The following KAZN variants were observed in gnomAD, a reference collection of about 807,000 sequenced individuals.
KAZN encodes the protein kazrin, periplakin interacting protein.
In KAZN, 40 loss-of-function variants were observed where a neutral mutation model predicts 87.4. The ratio of observed to expected loss-of-function variants is 0.46; its 90% CI spans 0.36 to 0.60. The LOEUF (loss-of-function observed/expected upper bound fraction) is 0.60. KAZN is among the 20% of genes least tolerant of loss of function. The pLI, the probability that KAZN is intolerant of heterozygous loss-of-function variation, is 0.00. For missense variants in KAZN, 898 were observed against 1,073.9 expected, an observed-to-expected ratio of 0.84 and a Z score of 2.29; for synonymous variants, 466 against 458.3, an observed-to-expected ratio of 1.02 and a Z score of -0.22.
At chr1:14,653,184 A>G (rs1638563078) in intron 1 of KAZN, among the ~76,000 whole-genome samples, 1 of 152,236 alleles carries the variant, frequency 6.6e-6, no homozygotes. Flanking sequence ...CTGTGAAAAA[A>G]TTCTTCTCTG....
Position 14,411,355 on chromosome 1 carries a change from C to T in KAZN, c.250-187628C>T, listed in dbSNP as rs373994328. 5.3e-5 allele frequency among the ~76,000 whole-genome samples: 8 copies of T among 152,150 alleles called. No individual in the cohort carries two copies. In the East Asian group the frequency reaches 7.7e-4, roughly 15 times the overall value. On this transcript the variant is annotated intron_variant, in intron 2 of 16. Transcript: ENST00000636203. ...TGTCACCCAGGCTGGAGTGCAGTGG[C>T]GTGATCACAGCTCAGTGTAACCTCC...
intron 2 of KAZN, chr1:14,304,558 C>T (rs1654785145): frequency 2.5e-6 from 1 of 398,218 alleles, no homozygotes; most frequent in Non-Finnish European, 4.4e-6. Flanking sequence ...TATTTCTTGG[C>T]CTTATGTCAA....
intron 2 of KAZN, among the ~76,000 whole-genome samples, chr1:14,356,272 G>T (rs1659020748): frequency 6.6e-6 from 1 of 151,946 alleles, no homozygotes; most frequent in African/African-American, 2.4e-5. Flanking sequence ...TTTTTGATGG[G>T]GTTGTTTTTC....
chr1:13,968,669 A>G (rs1400542568), intron 1 of KAZN, among the ~76,000 whole-genome samples: 1 of 152,232 alleles, frequency 6.6e-6, no homozygotes. Flanking sequence ...ACCTTTCAGC[A>G]GCATCAGACC....
At chr1:13,996,082 C>CAGTGTGGT (rs74314880) in intron 1 of KAZN, among the ~76,000 whole-genome samples, 22,081 of 151,426 alleles carry the variant, frequency 0.15, 1,712 homozygotes, top group Middle Eastern at 0.22. Context: ...GAAGGAAGAG[C>CAGTGTGGT]GTGGCAGCCC....
intron 1 of KAZN, among the ~76,000 whole-genome samples, chr1:14,153,055 TAC>T (rs1645512018): frequency 1.3e-5 from 2 of 152,212 alleles, no homozygotes; most frequent in South Asian, 4.1e-4. Context: ...ATATTTTTCC[TAC>T]AGAGTTGTTT....
chr1:14,550,738 T>TCTCC (rs1329797253), intron 2 of KAZN, among the ~76,000 whole-genome samples: 6 of 37,976 alleles, frequency 1.6e-4, no homozygotes, highest in African/African-American at 5.9e-4. Flanking sequence ...TCTCTCTCTC[T>TCTCC]CCCCCACCCC....
intron 2 of KAZN, among the ~76,000 whole-genome samples, chr1:15,013,207 C>T (rs963542395): frequency 2.0e-5 from 3 of 152,204 alleles, no homozygotes; most frequent in African/African-American, 7.2e-5. Context: ...ACTTTCAGTG[C>T]TTCCGCAAAT....
chr1:14,586,759 C>G (rs1379123997), intron 2 of KAZN, among the ~76,000 whole-genome samples: 2 of 152,038 alleles, frequency 1.3e-5, no homozygotes, highest in African/African-American at 2.4e-5. Flanking sequence ...AGGCTGATCT[C>G]AAACTCTCGG....
At chr1:14,539,862 T>C (rs1049144103) in intron 2 of KAZN, among the ~76,000 whole-genome samples, 3 of 152,198 alleles carry the variant, frequency 2.0e-5, no homozygotes, top group African/African-American at 7.2e-5. Flanking sequence ...TAGCTTCATT[T>C]TTCAAGGGAA....
intron 1 of KAZN, among the ~76,000 whole-genome samples, chr1:14,822,536 G>A (rs533110249): frequency 9.9e-4 from 151 of 152,262 alleles, no homozygotes; most frequent in African/African-American, 2.6e-3. Flanking sequence ...CTGGGGAGCC[G>A]CCCCTCTCTC....
rs542100478 is a variant in KAZN, at chr1:14,166,253, T to C, written c.92-14182T>C. On this transcript the variant is annotated intron_variant, in intron 1 of 16. Coordinates refer to the KAZN transcript ENST00000636203. ...TTGCTGGAACCTGGGCGGCAGAGGC[T>C]GCAGTGAGCTGAGATTGTGCCACTG... Among the ~76,000 whole-genome samples the C allele has an allele frequency of 2.7e-3, 416 of 152,312 alleles. 1 individual carries two copies. The highest frequency in any genetic ancestry group is 9.7e-3 in the African/African-American group (405 of 41,568).
At chr1:15,009,134 C>T (rs537353773) in intron 2 of KAZN, among the ~76,000 whole-genome samples, 2 of 152,316 alleles carry the variant, frequency 1.3e-5, no homozygotes, top group Admixed American at 1.3e-4. Context: ...CCAGGAAATT[C>T]GGGCAGCCTA....
At chr1:14,874,373 A>AG (rs1481129221) in intron 1 of KAZN, among the ~76,000 whole-genome samples, 1 of 152,154 alleles carries the variant, frequency 6.6e-6, no homozygotes, top group African/African-American at 2.4e-5. Context: ...ATTAAGTAAG[A>AG]GGGGCTGGAA....
chr1:14,999,976 C>T (rs1668301195), intron 2 of KAZN, among the ~76,000 whole-genome samples: 1 of 152,164 alleles, frequency 6.6e-6, no homozygotes, highest in African/African-American at 2.4e-5. Flanking sequence ...CCCAAGATGT[C>T]CATGATATAA....
At chr1:15,082,614 C>T (rs1024871405) in intron 8 of KAZN, among the ~76,000 whole-genome samples, 1 of 152,242 alleles carries the variant, frequency 6.6e-6, no homozygotes, top group African/African-American at 2.4e-5. Context: ...AGAATTCCAC[C>T]TCCCTCTCAC....
At chr1:14,165,050 C>T (rs950149406) in intron 1 of KAZN, among the ~76,000 whole-genome samples, 1 of 138,012 alleles carries the variant, frequency 7.2e-6, no homozygotes, top group Admixed American at 7.0e-5. Context: ...ATCATTTTTC[C>T]TCTTAAATTT....
Position 14,667,319 on chromosome 1 carries a change from G to A in KAZN, c.226+68096G>A, listed in dbSNP as rs532482483. 2.0e-5 allele frequency among the ~76,000 whole-genome samples: 3 copies of A among 152,260 alleles called. No homozygotes were observed. In the East Asian group the frequency reaches 5.8e-4, roughly 29 times the overall value. ...GGTTTTCAGCTCTCCTTGAAGGCGCGGACCTCCAGAAGGGTTCACGTCACC... is the reference window on the plus strand; with the variant it reads ...GGTTTTCAGCTCTCCTTGAAGGCGCAGACCTCCAGAAGGGTTCACGTCACC... On this transcript the variant is annotated intron_variant, in intron 1 of 14. Coordinates refer to ENST00000376030, the MANE Select transcript of KAZN (RefSeq NM_201628.3).
chr1:14,818,354 A>G (rs1016665798), intron 1 of KAZN, among the ~76,000 whole-genome samples: 1 of 152,252 alleles, frequency 6.6e-6, no homozygotes, highest in Non-Finnish European at 1.5e-5. Context: ...GAAGAGTTCA[A>G]TGGGAGACCT....
Sources: gnomAD v4.1 joint callset for allele counts (sites outside exome capture counted in the v4.1 genomes callset) on GRCh38, gnomAD v4.1.1 for gene constraint, MANE v1.5 for transcripts, NCBI Gene and HGNC (gene_info 2026-07-23, HGNC 2026-07-21) for gene names.